Variants in PCOLCE2 observed in about 807,000 individuals in gnomAD.
PCOLCE2 encodes the protein procollagen C-endopeptidase enhancer 2.
Under a neutral mutation model 47.0 loss-of-function variants are expected in PCOLCE2, and 42 were observed. That is an observed-to-expected ratio of 0.89 (90% confidence interval 0.70 to 1.16). The LOEUF (loss-of-function observed/expected upper bound fraction) is 1.16, where lower values mean the gene tolerates loss of function less well. Among genes scored for constraint, PCOLCE2 ranks in the 50% most tolerant of loss-of-function variants. PCOLCE2 has a pLI of 0.00. For missense variants in PCOLCE2, 500 were observed against 526.1 expected (o/e 0.95, Z 0.49); for synonymous variants, 169 against 191.7 (o/e 0.88, Z 0.98).
intron 2 of PCOLCE2, among the ~76,000 whole-genome samples, chr3:142,878,957 C>A (rs1406731252): frequency 2.0e-5 from 3 of 151,806 alleles, no homozygotes; most frequent in African/African-American, 7.3e-5. Flanking sequence ...CCCTTTTTTA[C>A]TGTCAAAACC....
At chr3:142,841,757 T>C (rs2108193871) in intron 4 of PCOLCE2, among the ~76,000 whole-genome samples, 1 of 152,260 alleles carries the variant, frequency 6.6e-6, no homozygotes, top group South Asian at 2.1e-4. Flanking sequence ...ACATGACAAA[T>C]GGTATCTGTT....
chr3:142,818,280 C>T lies in PCOLCE2; in HGVS notation c.*55G>A, dbSNP rs1936973147. The T allele has an allele frequency of 3.3e-6, 5 of 1,504,610 alleles. No homozygotes were observed. The highest frequency in any genetic ancestry group is 1.7e-4 in the Middle Eastern group (1 of 5,810). 93.2% of individuals were successfully genotyped at this position (1,504,610 alleles called of 1,614,324 possible). On this transcript the variant is annotated 3_prime_UTR_variant, in exon 9 of 9. Coordinates refer to ENST00000295992, the MANE Select transcript of PCOLCE2 (RefSeq NM_013363.4). ...AGTATTTTTTTTTCTACTGAGAGAACATAGATCTTTCAAAGGCAATGGCAG... is the reference window on the plus strand; with the variant it reads ...AGTATTTTTTTTTCTACTGAGAGAATATAGATCTTTCAAAGGCAATGGCAG...
intron 2 of PCOLCE2, among the ~76,000 whole-genome samples, chr3:142,867,224 T>C (rs1336761683): frequency 6.6e-6 from 1 of 152,156 alleles, no homozygotes; most frequent in African/African-American, 2.4e-5. Flanking sequence ...CTTTCTTGCC[T>C]ATTAAACTCT....
chr3:142,853,737 T>C (rs1046083731), intron 2 of PCOLCE2, among the ~76,000 whole-genome samples: 3 of 152,238 alleles, frequency 2.0e-5, no homozygotes, highest in African/African-American at 7.2e-5. Context: ...TCAAATCTCC[T>C]GTAAATGCTA....
chr3:142,818,484 G>T lies in PCOLCE2; in HGVS notation c.1118-19C>A. ...TTTAGACCTAAAGAAAGAGAATACAGAAATTAATCTTTTTCTCTATGTATC... is the reference window on the plus strand; with the variant it reads ...TTTAGACCTAAAGAAAGAGAATACATAAATTAATCTTTTTCTCTATGTATC... On this transcript the variant is annotated intron_variant, in intron 8 of 8. Transcript: ENST00000295992. The T allele has an allele frequency of 6.3e-7, 1 of 1,592,302 alleles. No individual in the cohort carries two copies. Among genetic ancestry groups the T allele is most frequent in the Admixed American group, 1.7e-5 (1 of 59,956 alleles).
chr3:142,859,718 A>G (rs1431519422), intron 2 of PCOLCE2, among the ~76,000 whole-genome samples: 1 of 152,074 alleles, frequency 6.6e-6, no homozygotes, highest in African/African-American at 2.4e-5. Context: ...GGCACACGCC[A>G]CCACACCTGG....
At chr3:142,832,753 CA>C (rs148305196) in intron 5 of PCOLCE2, among the ~76,000 whole-genome samples, 26,233 of 151,786 alleles carry the variant, frequency 0.17, 2,624 homozygotes, top group Non-Finnish European at 0.23. Flanking sequence ...GAACAGAATT[CA>C]ATGGCATTGA....
chr3:142,826,609 C>G (rs1371896825), intron 6 of PCOLCE2, among the ~76,000 whole-genome samples: 2 of 152,108 alleles, frequency 1.3e-5, no homozygotes, highest in Non-Finnish European at 2.9e-5. Context: ...TCTTTAAGGC[C>G]AAACTTGGGG....
intron 2 of PCOLCE2, chr3:142,863,966 A>C (rs1183640490): frequency 2.0e-5 from 3 of 152,108 alleles, no homozygotes; most frequent in African/African-American, 7.2e-5. Flanking sequence ...TGTGGCATTT[A>C]AATTAAATGT....
chr3:142,823,670 C>T (rs751928511), intron 6 of PCOLCE2, 55 bp from the exon 7 acceptor site: 1 of 994,874 alleles, frequency 1.0e-6, no homozygotes, highest in Non-Finnish European at 1.6e-6. Flanking sequence ...CATAATTGGT[C>T]TTTAGTTCTG....
At position 142,823,584 on chromosome 3, in the gene PCOLCE2, T is replaced by C. The variant is rs112991433; in HGVS notation, c.897A>G (p.Gln299=). 6.2e-7 allele frequency: 1 copy of C among 1,610,858 alleles called. No individual in the cohort carries two copies. The highest frequency in any genetic ancestry group is 1.3e-5 in the African/African-American group (1 of 75,010). ...GLKPTVALCQ[Q]KCRRTGTLEG... is the part of the protein sequence containing the mutation. ...CCAGAGTCCCCGTCCGTCTACACTTTTGTTGACACAAGGCCACGGTGGGTT... is the reference window on the plus strand; with the variant it reads ...CCAGAGTCCCCGTCCGTCTACACTTCTGTTGACACAAGGCCACGGTGGGTT... The change falls in exon 7 of 9, where the codon CAA becomes CAG. Residue 299 remains glutamine, a synonymous_variant. Coordinates refer to ENST00000295992, the MANE Select transcript of PCOLCE2 (RefSeq NM_013363.4).
At chr3:142,867,131 C>T (rs969359794) in intron 2 of PCOLCE2, among the ~76,000 whole-genome samples, 3 of 152,168 alleles carry the variant, frequency 2.0e-5, no homozygotes, top group Admixed American at 2.0e-4. Context: ...CAGACACCGC[C>T]TCCTCGAGCC....
chr3:142,830,727 G>A (rs1937142047), intron 5 of PCOLCE2, among the ~76,000 whole-genome samples: 1 of 152,124 alleles, frequency 6.6e-6, no homozygotes, highest in Admixed American at 6.5e-5. Flanking sequence ...TTTCATTTAA[G>A]TTTTGCTATT....
At chr3:142,833,498 TA>T (rs1461322725) in intron 5 of PCOLCE2, among the ~76,000 whole-genome samples, 1 of 147,046 alleles carries the variant, frequency 6.8e-6, no homozygotes, top group Non-Finnish European at 1.5e-5. Flanking sequence ...TTTTTTTTTT[TA>T]AACCCTCAAC....
intron 5 of PCOLCE2, among the ~76,000 whole-genome samples, chr3:142,833,899 A>C (rs1937177685): frequency 6.6e-6 from 1 of 151,998 alleles, no homozygotes; most frequent in Non-Finnish European, 1.5e-5. Flanking sequence ...CCTCTCTTTC[A>C]GGGTATATTC....
chr3:142,854,658 C>T (rs1933031284), intron 2 of PCOLCE2, among the ~76,000 whole-genome samples: 2 of 152,156 alleles, frequency 1.3e-5, no homozygotes, highest in Admixed American at 6.5e-5. Flanking sequence ...GGCGTGGAAA[C>T]TCCCATCCAC....
chr3:142,827,698 G>A (rs1267865754), intron 6 of PCOLCE2: 24 of 1,127,536 alleles, frequency 2.1e-5, no homozygotes, highest in Non-Finnish European at 3.2e-5. Context: ...CCTTGGGGAG[G>A]GGCGCGCTGT....
chr3:142,861,845 C>T (rs1026049559), intron 2 of PCOLCE2, among the ~76,000 whole-genome samples: 1 of 152,210 alleles, frequency 6.6e-6, no homozygotes, highest in Admixed American at 6.5e-5. Context: ...TTGCCTTGGG[C>T]CTCCCAAATG....
In PCOLCE2 at chr3:142,884,560, T is replaced by A. The variant is rs189667328; in HGVS notation, c.192+3109A>T. On this transcript the variant is annotated intron_variant, in intron 2 of 8. Coordinates refer to ENST00000295992, the MANE Select transcript of PCOLCE2 (RefSeq NM_013363.4). ...ATTCAACTATTTCTTAACACCCAAA[T>A]TCTCTAATTTAGTCTCTAAGCATAC... Among the ~76,000 whole-genome samples the A allele has an allele frequency of 1.9e-3, 283 of 152,320 alleles. 1 individual carries two copies. Among genetic ancestry groups the A allele is most frequent in the African/African-American group, 6.6e-3 (275 of 41,566 alleles).
Sources: allele counts gnomAD v4.1 joint callset (sites outside exome capture counted in the v4.1 genomes callset), GRCh38; gene constraint gnomAD v4.1.1; transcripts MANE v1.5; gene names NCBI Gene and HGNC (gene_info 2026-07-23, HGNC 2026-07-21).